Variants in PHACTR1 observed in about 807,000 individuals in gnomAD.
PHACTR1 encodes the protein phosphatase and actin regulator 1, also known as RPEL repeat containing 1.
PHACTR1 carries 16 observed loss-of-function variants against 69.2 expected under a neutral mutation model. That is an observed-to-expected ratio of 0.23 (90% CI 0.16 to 0.35). PHACTR1 has a LOEUF of 0.35. PHACTR1 is among the 10% of genes least tolerant of loss of function. The probability of loss-of-function intolerance (pLI) is 1.00; values close to 1 mark genes in which losing one functional copy is unlikely to be tolerated. For synonymous variants in PHACTR1, 312 were observed against 284.5 expected (o/e 1.10, Z -0.97); for missense variants, 510 against 734.7 (o/e 0.69, Z 3.54).
chr6:12,816,935 G>T (rs1304368874), intron 4 of PHACTR1, among the ~76,000 whole-genome samples: 1 of 152,170 alleles, frequency 6.6e-6, no homozygotes. Context: ...TTGCCAACCG[G>T]GAAGGACACT....
chr6:13,273,669 T>C (rs1480590109), intron 11 of PHACTR1: 1 of 152,106 alleles, frequency 6.6e-6, no homozygotes, highest in Non-Finnish European at 1.5e-5. Flanking sequence ...TATGCGTCAG[T>C]TTAGTGGTAG....
intron 8 of PHACTR1, among the ~76,000 whole-genome samples, chr6:13,224,607 G>A (rs766335002): frequency 4.6e-5 from 7 of 152,172 alleles, no homozygotes; most frequent in Non-Finnish European, 1.0e-4. Context: ...AAAAAAACTC[G>A]TGCTACAGTG....
chr6:12,752,798 C>G (rs1031286767), intron 4 of PHACTR1, among the ~76,000 whole-genome samples: 1 of 151,712 alleles, frequency 6.6e-6, no homozygotes, highest in Non-Finnish European at 1.5e-5. Context: ...CCTACAGTGG[C>G]AAGTCAGTCA....
chr6:12,975,182 C>A (rs1794719762), intron 4 of PHACTR1, among the ~76,000 whole-genome samples: 5 of 152,164 alleles, frequency 3.3e-5, no homozygotes, highest in African/African-American at 1.2e-4. Flanking sequence ...AGCCCACGGC[C>A]TGTGTTTTGC....
chr6:13,184,014 A>G (rs1476666932), intron 7 of PHACTR1, among the ~76,000 whole-genome samples: 1 of 152,230 alleles, frequency 6.6e-6, no homozygotes, highest in Non-Finnish European at 1.5e-5. Context: ...AAAGAAAACT[A>G]TAGTTGTGGT....
chr6:13,282,229 C>T (rs1267492282), intron 12 of PHACTR1, among the ~76,000 whole-genome samples: 1 of 152,020 alleles, frequency 6.6e-6, no homozygotes, highest in Non-Finnish European at 1.5e-5. Context: ...GTCTAGGGCT[C>T]AAAGGGAAAA....
intron 4 of PHACTR1, among the ~76,000 whole-genome samples, chr6:12,815,202 T>G (rs1775446667): frequency 2.6e-5 from 4 of 152,200 alleles, no homozygotes; most frequent in Admixed American, 2.6e-4. Context: ...TTTTTCACAT[T>G]AAAACATCTC....
At chr6:13,284,236 C>T (rs996930356) in intron 13 of PHACTR1, among the ~76,000 whole-genome samples, 4 of 151,814 alleles carry the variant, frequency 2.6e-5, no homozygotes, top group African/African-American at 7.3e-5. Flanking sequence ...GTAGTCTGTG[C>T]GCCAGGCACA....
chr6:13,184,979 C>T (rs766534808), intron 7 of PHACTR1: 1 of 1,366,378 alleles, frequency 7.3e-7, no homozygotes, highest in Non-Finnish European at 9.8e-7. Context: ...CCCAAACCCA[C>T]TACCAGGATT....
rs191215965 is a variant in PHACTR1, at chr6:13,058,850, G to A, written c.415+5321G>A. Among the ~76,000 whole-genome samples the A allele has an allele frequency of 5.6e-4, 85 of 152,298 alleles. 1 individual carries two copies. Among genetic ancestry groups the A allele is most frequent in the African/African-American group, 1.9e-3 (79 of 41,562 alleles). On this transcript the variant is annotated intron_variant, in intron 5 of 14. Transcript: ENST00000332995. Reference sequence around the variant, plus strand: ...CAGTGGCTGGAGAATGGAGAGCTGAGTGTCGTGCGGGTTGAGGCTGGAGAG... The same window carrying A: ...CAGTGGCTGGAGAATGGAGAGCTGAATGTCGTGCGGGTTGAGGCTGGAGAG...
At chr6:13,131,388 C>CTAAG (rs1475155417) in intron 5 of PHACTR1, among the ~76,000 whole-genome samples, 7 of 151,660 alleles carry the variant, frequency 4.6e-5, no homozygotes, top group Non-Finnish European at 1.0e-4. Context: ...TAAGTGGGAG[C>CTAAG]TAAGCTATGA....
chr6:12,989,812 C>T (rs1460612936), intron 4 of PHACTR1, among the ~76,000 whole-genome samples: 4 of 152,174 alleles, frequency 2.6e-5, no homozygotes, highest in African/African-American at 7.2e-5. Flanking sequence ...GTGTCATAGG[C>T]GTAATCTATA....
At chr6:13,161,653 A>G (rs1449760758) in intron 6 of PHACTR1, among the ~76,000 whole-genome samples, 2 of 152,178 alleles carry the variant, frequency 1.3e-5, no homozygotes, top group African/African-American at 4.8e-5. Flanking sequence ...ACAACGAGGC[A>G]GGTGGTACTT....
At chr6:13,113,097 G>T (rs1817287773) in intron 5 of PHACTR1, among the ~76,000 whole-genome samples, 1 of 152,036 alleles carries the variant, frequency 6.6e-6, no homozygotes, top group Non-Finnish European at 1.5e-5. Context: ...CATATGAAGT[G>T]CCCTGAAGTG....
At chr6:12,937,498 AACAG>A (rs1562030118) in intron 4 of PHACTR1, among the ~76,000 whole-genome samples, 1 of 152,138 alleles carries the variant, frequency 6.6e-6, no homozygotes, top group African/African-American at 2.4e-5. Context: ...CAGTGAGCCA[AACAG>A]ACAAAGTCCC....
intron 5 of PHACTR1, among the ~76,000 whole-genome samples, chr6:13,121,776 G>A (rs1024259951): frequency 3.3e-5 from 5 of 152,114 alleles, no homozygotes; most frequent in Middle Eastern, 3.2e-3. Flanking sequence ...ACAGGGCCTC[G>A]CCCAGGGCTG....
Position 12,747,157 on chromosome 6 carries a change from C to G in PHACTR1, c.104-2487C>G, listed in dbSNP as rs536572774. Among the ~76,000 whole-genome samples, 3 of 152,240 alleles carry G rather than the reference C, an allele frequency of 2.0e-5. No individual in the cohort carries two copies. The East Asian group carries it at 5.8e-4, about 29-fold the overall frequency. ...TAATAATGAGGCATATGTCATAGAACAGTGAATCTGAAAGGTGGCTAATCA... is the reference window on the plus strand; with the variant it reads ...TAATAATGAGGCATATGTCATAGAAGAGTGAATCTGAAAGGTGGCTAATCA... On this transcript the variant is annotated intron_variant, in intron 3 of 14. Coordinates refer to ENST00000332995, the MANE Select transcript of PHACTR1 (RefSeq NM_030948.6).
chr6:12,784,271 CATG>C (rs1204084877), intron 4 of PHACTR1, among the ~76,000 whole-genome samples: 10 of 151,724 alleles, frequency 6.6e-5, no homozygotes, highest in Admixed American at 1.3e-4. Context: ...CTCACAGATA[CATG>C]ATACTATATA....
At chr6:12,884,390 T>C (rs1783421407) in intron 4 of PHACTR1, among the ~76,000 whole-genome samples, 1 of 152,012 alleles carries the variant, frequency 6.6e-6, no homozygotes, top group African/African-American at 2.4e-5. Context: ...AAGTACATAA[T>C]TGGTTTACTG....
Sources: allele counts gnomAD v4.1 joint callset (sites outside exome capture counted in the v4.1 genomes callset), GRCh38; gene constraint gnomAD v4.1.1; transcripts MANE v1.5; gene names NCBI Gene and HGNC (gene_info 2026-07-23, HGNC 2026-07-21).